Variants in USP12 observed in about 807,000 individuals in gnomAD.
USP12 encodes the protein ubiquitin carboxyl-terminal hydrolase 12.
In USP12, 19 loss-of-function variants were observed where a neutral mutation model predicts 45.5. That is an observed-to-expected ratio of 0.42 (90% CI 0.29 to 0.61). USP12 has a LOEUF of 0.61. Ranked by LOEUF, USP12 falls within the 20% of genes least tolerant of loss-of-function variation. The pLI, the probability that USP12 is intolerant of heterozygous loss-of-function variation, is 0.22. For missense variants in USP12, 242 were observed against 447.7 expected (o/e 0.54, Z 4.15); for synonymous variants, 149 against 148.8 (o/e 1.00, Z -0.01).
intron 2 of USP12, among the ~76,000 whole-genome samples, chr13:27,116,097 G>A (rs1875719962): frequency 6.6e-6 from 1 of 152,010 alleles, no homozygotes; most frequent in Admixed American, 6.6e-5. Flanking sequence ...CGGATCATGA[G>A]GTCAGGAGAT....
chr13:27,090,226 AT>A, intron 4 of USP12, 68 bp from the exon 5 acceptor site: 1 of 1,227,736 alleles, frequency 8.1e-7, no homozygotes, highest in Non-Finnish European at 1.2e-6. Flanking sequence ...AATTAACAGA[AT>A]TAAATGCCAT....
In USP12 at chr13:27,171,553, G is replaced by A. The variant is rs560567326; in HGVS notation, c.48+39C>T. 4.2e-6 allele frequency: 5 copies of A among 1,197,968 alleles called. No individual in the cohort carries two copies. The South Asian group carries it at 7.8e-5, about 19-fold the overall frequency. 74.2% of individuals were successfully genotyped at this position (1,197,968 alleles called of 1,614,324 possible). On this transcript the variant is annotated intron_variant, in intron 1 of 8. Transcript: ENST00000282344. ...TCCAGCGCCGCCCGCCCGCCCGAGA[G>A]GTCCCGGCAGCCCCGGCCGCCCGCT...
At chr13:27,132,956 T>G (rs1450756203) in intron 1 of USP12, among the ~76,000 whole-genome samples, 1 of 152,220 alleles carries the variant, frequency 6.6e-6, no homozygotes, top group Non-Finnish European at 1.5e-5. Context: ...TTAATTACCA[T>G]GGTGATGGCA....
chr13:27,089,802 T>C (rs1196385282), intron 6 of USP12, 81 bp downstream of exon 6: 1 of 1,382,932 alleles, frequency 7.2e-7, no homozygotes, highest in Non-Finnish European at 1.0e-6. Flanking sequence ...TAAATTTTCC[T>C]AGATTGTTTT....
At chr13:27,091,220 T>G (rs1237789174) in intron 4 of USP12, among the ~76,000 whole-genome samples, 1 of 152,144 alleles carries the variant, frequency 6.6e-6, no homozygotes, top group Non-Finnish European at 1.5e-5. Context: ...GAAAAGTGGG[T>G]AGGGTGACAA....
chr13:27,075,217 A>G lies in USP12; in HGVS notation c.906T>C (p.Leu302=), dbSNP rs1368159905. ...DATNPDRMYD[L]VAVVVHCGSG... ...TTCCACAGTGAACCACAACAGCAAC[A>G]AGGTCGTACATTCTGTCTGGATTGG... The change falls in exon 7 of 9, where the codon CTT becomes CTC. Residue 302 remains leucine, a synonymous_variant. Transcript: ENST00000282344. 3 of 1,613,942 alleles carry G rather than the reference A, an allele frequency of 1.9e-6. No individual in the cohort carries two copies.
chr13:27,171,388 TC>T (rs1197399569), intron 1 of USP12, among the ~76,000 whole-genome samples: 1 of 143,096 alleles, frequency 7.0e-6, no homozygotes, highest in African/African-American at 2.6e-5. Flanking sequence ...CGGCGCCCCC[TC>T]CCCAGCCGCC....
chr13:27,148,795 T>TACAC (rs58820564), intron 1 of USP12, among the ~76,000 whole-genome samples: 36 of 141,776 alleles, frequency 2.5e-4, no homozygotes, highest in Middle Eastern at 7.1e-3. Flanking sequence ...ATCATCTTAA[T>TACAC]ACACACACAC....
At chr13:27,082,911 C>T (rs1183935341) in intron 6 of USP12, among the ~76,000 whole-genome samples, 1 of 152,228 alleles carries the variant, frequency 6.6e-6, no homozygotes, top group African/African-American at 2.4e-5. Context: ...TCTCGGCTCA[C>T]CGCAACCTCC....
chr13:27,079,081 G>A (rs2137758375), intron 6 of USP12, among the ~76,000 whole-genome samples: 1 of 151,990 alleles, frequency 6.6e-6, no homozygotes, highest in African/African-American at 2.4e-5. Context: ...ACATCACAAG[G>A]GAAATTAGAA....
At chr13:27,145,529 C>A (rs957250910) in intron 1 of USP12, among the ~76,000 whole-genome samples, 1 of 152,160 alleles carries the variant, frequency 6.6e-6, no homozygotes, top group Non-Finnish European at 1.5e-5. Flanking sequence ...TTAATAATAA[C>A]CTAAACTCAA....
chr13:27,089,727 A>AT (rs1388364372), intron 6 of USP12, 156 bp downstream of exon 6: 3 of 662,206 alleles, frequency 4.5e-6, no homozygotes, highest in African/African-American at 3.6e-5. Flanking sequence ...GTAGAATATC[A>AT]TTTACCTAGT....
At chr13:27,098,219 G>A (rs1186269316) in intron 3 of USP12, among the ~76,000 whole-genome samples, 2 of 152,014 alleles carry the variant, frequency 1.3e-5, no homozygotes, top group African/African-American at 4.8e-5. Flanking sequence ...CTACTGAACA[G>A]AATACAAAAC....
intron 1 of USP12, among the ~76,000 whole-genome samples, chr13:27,152,701 G>A (rs1472232633): frequency 1.3e-5 from 2 of 152,020 alleles, no homozygotes; most frequent in Non-Finnish European, 2.9e-5. Context: ...CCAGCACTTT[G>A]GGAGGCCGAG....
At chr13:27,124,111 TAGTC>T (rs771433889) in intron 1 of USP12, among the ~76,000 whole-genome samples, 1 of 152,240 alleles carries the variant, frequency 6.6e-6, no homozygotes, top group African/African-American at 2.4e-5. Flanking sequence ...AATTTTTACA[TAGTC>T]AATCATGGAA....
intron 6 of USP12, among the ~76,000 whole-genome samples, chr13:27,080,554 C>T (rs1019522184): frequency 6.6e-6 from 1 of 151,992 alleles, no homozygotes; most frequent in African/African-American, 2.4e-5. Context: ...GGGTCAGGCA[C>T]ACACGGAATA....
chr13:27,149,404 C>A (rs1380215521), intron 1 of USP12, among the ~76,000 whole-genome samples: 1 of 152,148 alleles, frequency 6.6e-6, no homozygotes, highest in Non-Finnish European at 1.5e-5. Flanking sequence ...GTTAGAAAAA[C>A]AGGCATCCAA....
intron 2 of USP12, among the ~76,000 whole-genome samples, chr13:27,112,455 ATT>A (rs61084865): frequency 2.8e-5 from 4 of 142,412 alleles, no homozygotes; most frequent in Admixed American, 7.1e-5. Flanking sequence ...TGCTCCCAGC[ATT>A]TTTTTTTTTT....
Position 27,087,456 on chromosome 13 carries a change from T to C in USP12, c.734+2427A>G, listed in dbSNP as rs528960099. On this transcript the variant is annotated intron_variant, in intron 6 of 8. Coordinates refer to ENST00000282344, the MANE Select transcript of USP12 (RefSeq NM_182488.4). ...GTGGTGGTGGCTACAAGATTATCAC[T>C]GTGTATTCACGGTTTTCAGTACAGA... 2.6e-4 allele frequency among the ~76,000 whole-genome samples: 40 copies of C among 152,314 alleles called. No homozygotes were observed. The South Asian group carries it at 7.9e-3, about 30-fold the overall frequency.
Sources: allele counts gnomAD v4.1 joint callset (sites outside exome capture counted in the v4.1 genomes callset), GRCh38; gene constraint gnomAD v4.1.1; transcripts MANE v1.5; gene names NCBI Gene and HGNC (gene_info 2026-07-23, HGNC 2026-07-21).